Variants in CHODL observed in about 807,000 individuals in gnomAD.
The protein encoded by CHODL is transmembrane protein MT75.
A neutral mutation model predicts 34.5 loss-of-function variants in CHODL; 29 were observed. That is an observed-to-expected ratio of 0.84 (90% confidence interval 0.63 to 1.15). The LOEUF (loss-of-function observed/expected upper bound fraction) is 1.15, where lower values mean the gene tolerates loss of function less well. CHODL is among the 50% of genes most tolerant of loss of function. The pLI is 0.00. For synonymous variants in CHODL, 125 were observed against 116.1 expected, an observed-to-expected ratio of 1.08 and a Z score of -0.49; for missense variants, 332 against 332.5, an observed-to-expected ratio of 1.00 and a Z score of 0.01.
chr21:18,199,555 GTGTCATATA>G (rs1213300336), intron 2 of CHODL, among the ~76,000 whole-genome samples: 1 of 151,928 alleles, frequency 6.6e-6, no homozygotes, highest in African/African-American at 2.4e-5. Context: ...TGAATGTATA[GTGTCATATA>G]TATCATATAT....
intron 1 of CHODL, among the ~76,000 whole-genome samples, chr21:17,933,040 A>G (rs920671313): frequency 6.6e-6 from 1 of 152,194 alleles, no homozygotes; most frequent in Non-Finnish European, 1.5e-5. Flanking sequence ...TTAGATATGC[A>G]TACACATAAA....
chr21:18,221,677 A>G (rs2073885068), intron 2 of CHODL, among the ~76,000 whole-genome samples: 3 of 152,306 alleles, frequency 2.0e-5, no homozygotes, highest in Admixed American at 6.5e-5. Flanking sequence ...TTAGTGTCTC[A>G]GGCTGCGGTT....
chr21:18,025,718 C>G (rs1256105154), intron 1 of CHODL, among the ~76,000 whole-genome samples: 2 of 152,042 alleles, frequency 1.3e-5, no homozygotes, highest in African/African-American at 4.8e-5. Context: ...GATCGGGGAG[C>G]TAGAAGGCTG....
chr21:18,101,944 A>G (rs1444056942), intron 2 of CHODL, among the ~76,000 whole-genome samples: 2 of 152,154 alleles, frequency 1.3e-5, no homozygotes, highest in Non-Finnish European at 2.9e-5. Context: ...TAAGGATAAA[A>G]AATAAGAAAA....
At chr21:18,263,691 A>G (rs192941728) in intron 5 of CHODL, among the ~76,000 whole-genome samples, 1 of 152,328 alleles carries the variant, frequency 6.6e-6, no homozygotes, top group East Asian at 1.9e-4. Flanking sequence ...TAAACTAGAC[A>G]TCTTTGTCTG....
intron 2 of CHODL, among the ~76,000 whole-genome samples, chr21:18,230,502 A>G (rs554874791): frequency 6.6e-6 from 1 of 152,200 alleles, no homozygotes; most frequent in South Asian, 2.1e-4. Context: ...AAAGAATGTC[A>G]GCTATTGAGA....
At chr21:18,265,903 T>G (rs1487711558) in intron 5 of CHODL, 51 bp from the exon 6 acceptor site, 1 of 1,452,852 alleles carries the variant, frequency 6.9e-7, no homozygotes, top group Non-Finnish European at 9.5e-7. Flanking sequence ...TAGACATGCT[T>G]AGTTTAATAA....
chr21:18,132,852 G>A (rs1167260137), intron 2 of CHODL, among the ~76,000 whole-genome samples: 1 of 151,730 alleles, frequency 6.6e-6, no homozygotes, highest in Non-Finnish European at 1.5e-5. Context: ...GTCCAATTAT[G>A]TTTGTAACTT....
At chr21:18,051,403 C>CTT (rs555572070) in intron 2 of CHODL, among the ~76,000 whole-genome samples, 3 of 138,570 alleles carry the variant, frequency 2.2e-5, no homozygotes, top group African/African-American at 5.3e-5. Flanking sequence ...ACAGCTTTGT[C>CTT]TTTTTTTTTT....
chr21:17,959,291 T>C (rs748767598), intron 1 of CHODL, among the ~76,000 whole-genome samples: 3 of 152,188 alleles, frequency 2.0e-5, no homozygotes, highest in Non-Finnish European at 4.4e-5. Flanking sequence ...CCATCCCTAA[T>C]GTCTCTGAGG....
chr21:18,077,125 CA>C (rs1324941626), intron 2 of CHODL, among the ~76,000 whole-genome samples: 2 of 152,160 alleles, frequency 1.3e-5, no homozygotes, highest in Non-Finnish European at 2.9e-5. Flanking sequence ...AGCATTAAGT[CA>C]AAGAATACCT....
chr21:18,219,818 A>T (rs1399495332), intron 2 of CHODL, among the ~76,000 whole-genome samples: 1 of 151,410 alleles, frequency 6.6e-6, no homozygotes, highest in Non-Finnish European at 1.5e-5. Context: ...TTCCTTATAT[A>T]TTAAAATTAT....
chr21:18,254,422 G>A (rs973897960), intron 1 of CHODL, among the ~76,000 whole-genome samples: 1 of 152,080 alleles, frequency 6.6e-6, no homozygotes, highest in African/African-American at 2.4e-5. Flanking sequence ...AGTAGAAGAG[G>A]CTATGGACTA....
chr21:18,013,635 C>CTTTTTTTTCTTTTTTTTTTTTTTTT (rs2064041085), intron 1 of CHODL, among the ~76,000 whole-genome samples: 1 of 71,896 alleles, frequency 1.4e-5, no homozygotes, highest in Admixed American at 1.8e-4. Flanking sequence ...GCTGCTGCTG[C>CTTTTTTTTCTTTTTTTTTTTTTTTT]TTTTTTTTTT....
chr21:18,241,183 T>C (rs2074078343), upstream of CHODL, among the ~76,000 whole-genome samples: 1 of 151,532 alleles, frequency 6.6e-6, no homozygotes, highest in Non-Finnish European at 1.5e-5. Flanking sequence ...ATCTCTAAAA[T>C]ATTGGGAGGG....
chr21:17,998,583 T>A (rs2063874412), intron 1 of CHODL, among the ~76,000 whole-genome samples: 1 of 152,234 alleles, frequency 6.6e-6, no homozygotes, highest in Non-Finnish European at 1.5e-5. Context: ...TCCATACATC[T>A]TCTAAAATCT....
intron 1 of CHODL, among the ~76,000 whole-genome samples, chr21:17,934,232 A>C (rs1675246151): frequency 8.2e-6 from 1 of 122,608 alleles, no homozygotes; most frequent in African/African-American, 3.1e-5. Context: ...AATCTATAAA[A>C]ATAAAAAAAA....
At chr21:17,976,620 C>T (rs1033563471) in intron 1 of CHODL, among the ~76,000 whole-genome samples, 1 of 152,164 alleles carries the variant, frequency 6.6e-6, no homozygotes, top group Non-Finnish European at 1.5e-5. Flanking sequence ...TCAGCGTACA[C>T]TTGACACTGT....
Position 18,266,161 on chromosome 21 carries a change from C to T in CHODL, c.*123C>T, listed in dbSNP as rs747336905. On this transcript the variant is annotated 3_prime_UTR_variant, in exon 6 of 6. Coordinates refer to ENST00000299295, the MANE Select transcript of CHODL (RefSeq NM_024944.3). ...CTGCAAGATGAACTGTAAGCTCCCC[C>T]TTGAGGCAAATATTAAAGTAATTTT... 1.3e-6 allele frequency: 2 copies of T among 1,577,350 alleles called. No individual in the cohort carries two copies. The highest frequency in any genetic ancestry group is 3.7e-5 in the Admixed American group (2 of 54,372).
Sources: allele counts gnomAD v4.1 joint callset (sites outside exome capture counted in the v4.1 genomes callset), GRCh38; gene constraint gnomAD v4.1.1; transcripts MANE v1.5; gene names NCBI Gene and HGNC (gene_info 2026-07-23, HGNC 2026-07-21).